The following SEMA3D variants were observed in gnomAD, a reference collection of about 807,000 sequenced individuals.
SEMA3D encodes semaphorin 3D.
Under a neutral mutation model 100.1 loss-of-function variants are expected in SEMA3D, and 84 were observed. The observed-to-expected ratio is 0.84, with a 90% confidence interval of 0.70 to 1.01. The LOEUF is 1.01. SEMA3D is among the 50% of genes least tolerant of loss of function. SEMA3D has a pLI of 0.00. For missense variants in SEMA3D, 875 were observed against 934.1 expected, an observed-to-expected ratio of 0.94 and a Z score of 0.82; for synonymous variants, 312 against 320.7, an observed-to-expected ratio of 0.97 and a Z score of 0.29.
At chr7:85,038,042 G>A (rs1790750942) in intron 11 of SEMA3D, among the ~76,000 whole-genome samples, 1 of 131,686 alleles carries the variant, frequency 7.6e-6, no homozygotes. Context: ...ACCGGGGCCT[G>A]TTGTGGGGTG....
chr7:85,151,829 G>A, intron 2 of SEMA3D: 1 of 686,926 alleles, frequency 1.5e-6, no homozygotes, highest in Non-Finnish European at 1.8e-6. Context: ...ATTTTAGACT[G>A]TCTGTAAAAA....
In SEMA3D at chr7:85,042,255, T is replaced by C; in HGVS notation, c.892A>G (p.Asn298Asp). The C allele has an allele frequency of 6.2e-7, 1 of 1,613,472 alleles. No homozygotes were observed. Among genetic ancestry groups the C allele is most frequent in the Non-Finnish European group, 8.5e-7 (1 of 1,179,528 alleles). Residue 298 changes from asparagine (N) to aspartate (D), a missense_variant, in exon 10 of 19, where the codon AAC becomes GAC. Coordinates refer to ENST00000284136, the MANE Select transcript of SEMA3D (RefSeq NM_001384900.1). ...NDVGGQRSLI[N>D]KWTTFLKARL... is the part of the protein sequence containing the mutation. Reference sequence around the variant, plus strand: ...GCCTTAAGAAAAGTCGTCCACTTGTTTATCAGGCTGCGTTGTCCTCCTACA... The same window carrying C: ...GCCTTAAGAAAAGTCGTCCACTTGTCTATCAGGCTGCGTTGTCCTCCTACA...
At chr7:85,225,091 TATATATATATATATACATAC>T in the SEMA3D span, among the ~76,000 whole-genome samples, 3 of 12,952 alleles carry the variant, frequency 2.3e-4, no homozygotes, top group African/African-American at 8.1e-4. Flanking sequence ...TATATATATA[TATATATATATATATACATAC>T]ATATATACAT....
chr7:85,232,366 C>A, the SEMA3D span, among the ~76,000 whole-genome samples: 2 of 152,176 alleles, frequency 1.3e-5, no homozygotes, highest in Non-Finnish European at 2.9e-5. Context: ...ACTTGGCTAA[C>A]CCTCATCTGA....
chr7:85,142,781 T>C (rs1339137960), intron 2 of SEMA3D: 1 of 984,718 alleles, frequency 1.0e-6, no homozygotes. Flanking sequence ...AACCACATGA[T>C]GTGAATGGAA....
chr7:85,201,419 C>T, the SEMA3D span, among the ~76,000 whole-genome samples: 1 of 152,158 alleles, frequency 6.6e-6, no homozygotes, highest in African/African-American at 2.4e-5. Flanking sequence ...CCTGCTATTG[C>T]TAGGCTTCAC....
the SEMA3D span, among the ~76,000 whole-genome samples, chr7:85,230,747 A>G: frequency 6.6e-6 from 1 of 152,120 alleles, no homozygotes. Context: ...TGCTTAGTTC[A>G]TCCATGCATT....
At chr7:85,210,578 A>G in the SEMA3D span, among the ~76,000 whole-genome samples, 2 of 152,014 alleles carry the variant, frequency 1.3e-5, no homozygotes, top group African/African-American at 4.8e-5. Context: ...TTTGTCCTAC[A>G]TTAGAAACAT....
chr7:85,000,809 A>C (rs1789635675), intron 18 of SEMA3D, among the ~76,000 whole-genome samples: 1 of 152,176 alleles, frequency 6.6e-6, no homozygotes, highest in South Asian at 2.1e-4. Flanking sequence ...CAGTAAAACT[A>C]GAGGCATGTT....
chr7:84,999,598 T>C lies in SEMA3D; in HGVS notation c.2176A>G (p.Ser726Gly), dbSNP rs767656191. Residue 726 changes from serine to glycine, a missense_variant, in exon 19 of 19, where the codon AGC becomes GGC. By Grantham distance (56) the Ser-to-Gly change is moderately conservative. Coordinates refer to ENST00000284136, the MANE Select transcript of SEMA3D (RefSeq NM_001384900.1). ...ATCTGTTCGCAGTACTGGTCGAGGC[T>C]GAAGTTTGGGCTGCTAAGGATTTGG... ...YIQILSSPNF[S>G]LDQYCEQMWH... is the part of the protein sequence containing the mutation. The C allele has an allele frequency of 6.1e-5, 99 of 1,614,014 alleles. No individual in the cohort carries two copies. The highest frequency in any genetic ancestry group is 8.2e-5 in the Non-Finnish European group (97 of 1,180,030).
intron 4 of SEMA3D, among the ~76,000 whole-genome samples, chr7:85,082,016 A>T (rs548698673): frequency 6.6e-6 from 1 of 152,326 alleles, no homozygotes; most frequent in Admixed American, 6.5e-5. Flanking sequence ...TCTCCAAGCC[A>T]AGGACCAGTG....
At chr7:85,093,128 G>A (rs189163544) in intron 4 of SEMA3D, among the ~76,000 whole-genome samples, 102 of 151,874 alleles carry the variant, frequency 6.7e-4, no homozygotes, top group African/African-American at 2.4e-3. Context: ...TTGTTAAATT[G>A]AAAAAGAAAA....
At chr7:85,129,190 C>T (rs1223965585) in intron 2 of SEMA3D, among the ~76,000 whole-genome samples, 1 of 151,990 alleles carries the variant, frequency 6.6e-6, no homozygotes, top group Non-Finnish European at 1.5e-5. Flanking sequence ...TGTGCCTCAC[C>T]TACTTTATTA....
At chr7:85,106,701 A>T (rs1219446421) in intron 3 of SEMA3D, among the ~76,000 whole-genome samples, 1 of 152,020 alleles carries the variant, frequency 6.6e-6, no homozygotes, top group Non-Finnish European at 1.5e-5. Context: ...TATAAAGAAA[A>T]ACTGGTTTAA....
At chr7:85,063,907 T>C (rs1469474518) in intron 8 of SEMA3D, among the ~76,000 whole-genome samples, 1 of 152,148 alleles carries the variant, frequency 6.6e-6, no homozygotes, top group Non-Finnish European at 1.5e-5. Context: ...CCCCTATCTA[T>C]CTATGCAGGC....
chr7:85,174,669 A>C (rs1791179074), intron 1 of SEMA3D, among the ~76,000 whole-genome samples: 1 of 152,194 alleles, frequency 6.6e-6, no homozygotes, highest in African/African-American at 2.4e-5. Context: ...GGGGACTGAA[A>C]GAGATCTTAC....
At chr7:85,130,886 C>T (rs1583952868) in intron 2 of SEMA3D, among the ~76,000 whole-genome samples, 1 of 152,154 alleles carries the variant, frequency 6.6e-6, no homozygotes, top group East Asian at 1.9e-4. Flanking sequence ...GGCAAAAAGC[C>T]AAGGTCTGTC....
intron 2 of SEMA3D, chr7:85,141,761 A>T (rs1426244230): frequency 2.4e-6 from 2 of 836,794 alleles, no homozygotes; most frequent in East Asian, 2.5e-4. Context: ...TGTTTTCTCA[A>T]GGTTTTTGCC....
At chr7:85,002,446 T>TA (rs1789679660) in intron 18 of SEMA3D, among the ~76,000 whole-genome samples, 2 of 152,204 alleles carry the variant, frequency 1.3e-5, no homozygotes, top group South Asian at 2.1e-4. Context: ...AATTTAGAGA[T>TA]AAAAATCTGT....
Sources: allele counts gnomAD v4.1 joint callset (sites outside exome capture counted in the v4.1 genomes callset), GRCh38; gene constraint gnomAD v4.1.1; transcripts MANE v1.5; gene names NCBI Gene and HGNC (gene_info 2026-07-23, HGNC 2026-07-21).